EPHA6: variants seen among roughly 807,000 people sequenced by gnomAD.
EPHA6 encodes EPH receptor A6, also known as ephrin type-A receptor 6.
A neutral mutation model predicts 112.0 loss-of-function variants in EPHA6; 50 were observed. The ratio of observed to expected loss-of-function variants is 0.45; its 90% CI spans 0.36 to 0.56. EPHA6 has a LOEUF of 0.56. Among genes scored for constraint, EPHA6 ranks in the 20% least tolerant of loss-of-function variants. The pLI, the probability that EPHA6 is intolerant of heterozygous loss-of-function variation, is 0.00. For synonymous variants in EPHA6, 529 were observed against 490.7 expected, an observed-to-expected ratio of 1.08 and a Z score of -1.03; for missense variants, 1,280 against 1,417.4, an observed-to-expected ratio of 0.90 and a Z score of 1.56.
intron 11 of EPHA6, among the ~76,000 whole-genome samples, chr3:97,571,389 T>A (rs2093331693): frequency 6.6e-6 from 1 of 152,018 alleles, no homozygotes; most frequent in Non-Finnish European, 1.5e-5. Flanking sequence ...AAAAAAAAGT[T>A]TTAAAGTTAA....
chr3:97,122,980 C>T (rs2048085487), intron 3 of EPHA6, among the ~76,000 whole-genome samples: 1 of 151,736 alleles, frequency 6.6e-6, no homozygotes, highest in Non-Finnish European at 1.5e-5. Flanking sequence ...AAAGCTTGTC[C>T]TTATGCATAT....
At chr3:97,029,207 CAGAGT>C (rs2108009612) in intron 3 of EPHA6, among the ~76,000 whole-genome samples, 1 of 151,700 alleles carries the variant, frequency 6.6e-6, no homozygotes, top group East Asian at 1.9e-4. Flanking sequence ...TAGATATAAA[CAGAGT>C]AATTTGGTAA....
Position 97,209,131 on chromosome 3 carries a change from C to G in EPHA6, c.1115-17133C>G, listed in dbSNP as rs983753254. Among the ~76,000 whole-genome samples, 13 of 152,160 alleles carry G rather than the reference C, an allele frequency of 8.5e-5. 1 individual carries two copies. The highest frequency in any genetic ancestry group is 3.1e-4 in the African/African-American group (13 of 41,518). ...AGTATTGTTCCAGTGAATTAGCACA[C>G]ACAGAATACTTAGTATTAAGTAATT... On this transcript the variant is annotated intron_variant, in intron 3 of 17. Coordinates refer to ENST00000389672, the MANE Select transcript of EPHA6 (RefSeq NM_001080448.3).
intron 1 of EPHA6, among the ~76,000 whole-genome samples, chr3:96,816,371 G>A (rs1011791917): frequency 6.6e-6 from 1 of 152,064 alleles, no homozygotes; most frequent in Non-Finnish European, 1.5e-5. Flanking sequence ...ACAGTGTCCT[G>A]TTTTGCTGTG....
At chr3:97,531,421 TTTC>T (rs896425230) in intron 10 of EPHA6, among the ~76,000 whole-genome samples, 2 of 152,140 alleles carry the variant, frequency 1.3e-5, no homozygotes, top group African/African-American at 4.8e-5. Context: ...TTTGAATGTT[TTTC>T]TTCACTTCCC....
chr3:97,348,023 T>G (rs1256274715), intron 5 of EPHA6, among the ~76,000 whole-genome samples: 1 of 152,098 alleles, frequency 6.6e-6, no homozygotes, highest in Non-Finnish European at 1.5e-5. Context: ...TATAAACATT[T>G]CCAACTTATT....
At chr3:97,396,684 C>T (rs1329042454) in intron 5 of EPHA6, among the ~76,000 whole-genome samples, 1 of 151,676 alleles carries the variant, frequency 6.6e-6, no homozygotes, top group African/African-American at 2.4e-5. Flanking sequence ...CTTCATTAAA[C>T]AATTGCTCAA....
chr3:97,002,766 A>C (rs902255219), intron 3 of EPHA6, among the ~76,000 whole-genome samples: 2 of 152,062 alleles, frequency 1.3e-5, no homozygotes, highest in Non-Finnish European at 2.9e-5. Flanking sequence ...AACGGTGCTC[A>C]TTTTTGTATA....
intron 9 of EPHA6, 64 bp from the exon 10 acceptor site, chr3:97,483,870 T>C: frequency 6.8e-7 from 1 of 1,460,954 alleles, no homozygotes. Flanking sequence ...GTTTTAAATG[T>C]TCACAAGATA....
chr3:97,257,941 GA>G, intron 5 of EPHA6, among the ~76,000 whole-genome samples: 1 of 151,930 alleles, frequency 6.6e-6, no homozygotes, highest in Non-Finnish European at 1.5e-5. Context: ...ATAAGGAAAT[GA>G]ATATTAAATT....
At chr3:96,843,285 A>T (rs1415580303) in intron 1 of EPHA6, among the ~76,000 whole-genome samples, 4 of 152,062 alleles carry the variant, frequency 2.6e-5, no homozygotes, top group African/African-American at 9.7e-5. Context: ...CTTTGTTTTA[A>T]TGTTGTAAGA....
chr3:97,519,762 G>A (rs894165236), intron 10 of EPHA6, among the ~76,000 whole-genome samples: 4 of 151,346 alleles, frequency 2.6e-5, no homozygotes, highest in Non-Finnish European at 5.9e-5. Flanking sequence ...ACATTTCCTT[G>A]TTGATTTTTT....
At chr3:96,859,555 T>C (rs2035891807) in intron 1 of EPHA6, among the ~76,000 whole-genome samples, 1 of 151,932 alleles carries the variant, frequency 6.6e-6, no homozygotes, top group South Asian at 2.1e-4. Flanking sequence ...CTAATTTTAA[T>C]TTTTTAATTT....
chr3:97,169,141 G>T (rs2076622083), intron 3 of EPHA6, among the ~76,000 whole-genome samples: 2 of 152,124 alleles, frequency 1.3e-5, no homozygotes, highest in South Asian at 4.1e-4. Context: ...GTTGAAAGAG[G>T]TTGTTGTTTC....
intron 2 of EPHA6, among the ~76,000 whole-genome samples, chr3:96,908,246 T>C (rs898940132): frequency 1.3e-5 from 2 of 152,036 alleles, no homozygotes; most frequent in South Asian, 2.1e-4. Flanking sequence ...TGAAACATTA[T>C]GCGGAGCATG....
At chr3:96,983,897 A>G (rs1169318702) in intron 2 of EPHA6, among the ~76,000 whole-genome samples, 3 of 151,892 alleles carry the variant, frequency 2.0e-5, no homozygotes, top group African/African-American at 7.3e-5. Flanking sequence ...ATGGTTTTCC[A>G]CTCCATCAGG....
In EPHA6 at chr3:97,483,988, C is replaced by T. The variant is rs56113436; in HGVS notation, c.2129C>T (p.Ser710Phe). The change falls in exon 10 of 18, where the codon TCC (serine) becomes TTC (phenylalanine). Residue 710 changes from serine to phenylalanine, a missense_variant. By Grantham distance (155) the Ser-to-Phe change is radical. Coordinates refer to ENST00000389672, the MANE Select transcript of EPHA6 (RefSeq NM_001080448.3). ...YIDPDTYEDP[S>F]LAVHEFAKEI... ...GATCCAGATACATATGAAGACCCAT[C>T]CCTAGCAGTCCATGAATTTGCAAAG... 399 of 1,610,196 alleles carry T rather than the reference C, an allele frequency of 2.5e-4. No homozygotes were observed. Among genetic ancestry groups the T allele is most frequent in the Non-Finnish European group, 3.0e-4 (358 of 1,178,150 alleles).
intron 1 of EPHA6, among the ~76,000 whole-genome samples, chr3:96,815,417 G>T (rs983769122): frequency 6.6e-6 from 1 of 152,058 alleles, no homozygotes; most frequent in African/African-American, 2.4e-5. Context: ...GAAAGGCAGG[G>T]TGCTCCCGCT....
chr3:97,195,161 T>C lies in EPHA6; in HGVS notation c.1115-31103T>C, dbSNP rs1290266761. 3.3e-5 allele frequency among the ~76,000 whole-genome samples: 5 copies of C among 152,186 alleles called. No homozygotes were observed. In the East Asian group the frequency reaches 9.7e-4, roughly 29 times the overall value. On this transcript the variant is annotated intron_variant, in intron 3 of 17. Transcript: ENST00000389672. ...GGTCTTCTCTTTCTCCCTTTCCTTC[T>C]TTCTGTCTTCCTTTTTATAGAGATG...
Sources: allele counts gnomAD v4.1 joint callset (sites outside exome capture counted in the v4.1 genomes callset), GRCh38; gene constraint gnomAD v4.1.1; transcripts MANE v1.5; gene names NCBI Gene and HGNC (gene_info 2026-07-23, HGNC 2026-07-21).